The following DNAAF4 variants were observed in gnomAD, a reference collection of about 807,000 sequenced individuals.
The protein encoded by DNAAF4 is dynein assembly factor 4, axonemal.
In DNAAF4, 43 loss-of-function variants were observed where a neutral mutation model predicts 51.8. That is an observed-to-expected ratio of 0.83 (90% CI 0.65 to 1.07). DNAAF4 has a LOEUF of 1.07. DNAAF4 is among the 50% of genes least tolerant of loss of function. DNAAF4 has a pLI of 0.00. For synonymous variants in DNAAF4, 194 were observed against 165.6 expected, an observed-to-expected ratio of 1.17 and a Z score of -1.32; for missense variants, 581 against 493.0, an observed-to-expected ratio of 1.18 and a Z score of -1.69.
At chr15:55,453,825 C>T (rs2057975805) in intron 5 of DNAAF4, among the ~76,000 whole-genome samples, 1 of 151,918 alleles carries the variant, frequency 6.6e-6, no homozygotes, top group Non-Finnish European at 1.5e-5. Context: ...GCTGGGATTA[C>T]AGGCATGAGC....
intron 4 of DNAAF4, among the ~76,000 whole-genome samples, chr15:55,485,276 A>G (rs1456853851): frequency 6.6e-6 from 1 of 152,220 alleles, no homozygotes; most frequent in East Asian, 1.9e-4. Context: ...TGAAAGAAAA[A>G]AGAAAGATGG....
chr15:55,428,328 C>T (rs529937899), downstream of DNAAF4, among the ~76,000 whole-genome samples: 9 of 152,092 alleles, frequency 5.9e-5, no homozygotes, highest in East Asian at 5.8e-4. Flanking sequence ...AGAAGGAGGT[C>T]GGCTTTGGGA....
chr15:55,431,892 T>C (rs1387587971), intron 9 of DNAAF4, among the ~76,000 whole-genome samples: 7 of 152,048 alleles, frequency 4.6e-5, no homozygotes, highest in Admixed American at 4.6e-4. Flanking sequence ...CCTGGGATTA[T>C]AGGCGTGAAG....
At chr15:55,420,241 G>A (rs138959132) in intron 7 of DNAAF4, among the ~76,000 whole-genome samples, 3 of 152,240 alleles carry the variant, frequency 2.0e-5, no homozygotes, top group East Asian at 3.9e-4. Context: ...GTGAGACAAT[G>A]TGGTATATTT....
chr15:55,489,502 T>G (rs556544797), intron 4 of DNAAF4, among the ~76,000 whole-genome samples: 1 of 152,066 alleles, frequency 6.6e-6, no homozygotes, highest in African/African-American at 2.4e-5. Flanking sequence ...GGTGAAGCCC[T>G]GTCTCTACTA....
intron 6 of DNAAF4, among the ~76,000 whole-genome samples, chr15:55,440,442 G>C (rs970964183): frequency 2.1e-4 from 32 of 151,278 alleles, no homozygotes; most frequent in African/African-American, 7.5e-4. Flanking sequence ...GCAGTGGTGC[G>C]ATCTCGGCTC....
At chr15:55,485,913 T>A (rs2058480713) in intron 4 of DNAAF4, among the ~76,000 whole-genome samples, 1 of 141,940 alleles carries the variant, frequency 7.0e-6, no homozygotes, top group Non-Finnish European at 1.5e-5. Flanking sequence ...GAGAATGGCA[T>A]GAACCCAGGA....
intron 2 of DNAAF4, 114 bp downstream of exon 2, chr15:55,498,093 A>C (rs1450480272): frequency 1.3e-6 from 2 of 1,551,874 alleles, no homozygotes; most frequent in Non-Finnish European, 1.7e-6. Context: ...AATAGGATTA[A>C]AAATTTAGGA....
At position 55,470,420 on chromosome 15, in the gene DNAAF4, G is replaced by C. The variant is rs145979490; in HGVS notation, c.406-3259C>G. 3.9e-5 allele frequency among the ~76,000 whole-genome samples: 6 copies of C among 152,230 alleles called. No individual in the cohort carries two copies. The East Asian group carries it at 1.2e-3, about 29-fold the overall frequency. On this transcript the variant is annotated intron_variant, in intron 4 of 9. Coordinates refer to ENST00000321149, the MANE Select transcript of DNAAF4 (RefSeq NM_130810.4). ...CAAATGAAAGAGATGTCTAGGGAAA[G>C]ATACCGGGGAAGGAGCACAGAGTTT...
intron 7 of DNAAF4, among the ~76,000 whole-genome samples, chr15:55,438,141 T>A (rs1306962136): frequency 1.3e-5 from 2 of 151,978 alleles, no homozygotes; most frequent in Non-Finnish European, 2.9e-5. Context: ...GAGGTCAAGG[T>A]GCGCGGATCA....
At chr15:55,428,496 T>C (rs1372269307), downstream of DNAAF4, among the ~76,000 whole-genome samples, 9 of 133,586 alleles carry the variant, frequency 6.7e-5, no homozygotes, top group South Asian at 2.7e-4. Context: ...TTTTTTTTTT[T>C]TTTTTTTTTT....
chr15:55,419,375 A>C (rs1269874172), intron 7 of DNAAF4, among the ~76,000 whole-genome samples: 1 of 151,934 alleles, frequency 6.6e-6, no homozygotes, highest in East Asian at 1.9e-4. Flanking sequence ...AGGCACCAAC[A>C]ACCATGCCCC....
intron 4 of DNAAF4, among the ~76,000 whole-genome samples, chr15:55,471,831 T>C (rs1175764942): frequency 1.4e-5 from 2 of 144,256 alleles, no homozygotes; most frequent in Non-Finnish European, 3.0e-5. Context: ...TTAAAGATAT[T>C]TTGTTATTTA....
chr15:55,488,590 T>C (rs2058525414), intron 4 of DNAAF4, among the ~76,000 whole-genome samples: 1 of 152,154 alleles, frequency 6.6e-6, no homozygotes, highest in South Asian at 2.1e-4. Context: ...ATTTACTTGA[T>C]AATGGCTATA....
intron 8 of DNAAF4, 82 bp from the exon 9 acceptor site, chr15:55,432,684 G>T: frequency 7.9e-7 from 1 of 1,270,858 alleles, no homozygotes; most frequent in Non-Finnish European, 1.1e-6. Context: ...GGTGGCTCAC[G>T]CCTGTAATCC....
At chr15:55,485,819 C>G (rs2058479383) in intron 4 of DNAAF4, among the ~76,000 whole-genome samples, 6 of 151,718 alleles carry the variant, frequency 4.0e-5, no homozygotes, top group Admixed American at 3.3e-4. Context: ...ACGGTGAAAC[C>G]CCATCTCTAC....
chr15:55,428,652 G>A (rs1472575488), downstream of DNAAF4, among the ~76,000 whole-genome samples: 3 of 151,026 alleles, frequency 2.0e-5, no homozygotes, highest in East Asian at 4.0e-4. Context: ...CTGCCACCAC[G>A]CCTGGCTAAA....
At chr15:55,473,496 CTT>C (rs1387900166) in intron 4 of DNAAF4, among the ~76,000 whole-genome samples, 1 of 150,274 alleles carries the variant, frequency 6.7e-6, no homozygotes, top group Non-Finnish European at 1.5e-5. Flanking sequence ...ATAGGGGTAA[CTT>C]AACCTAGGAA....
chr15:55,494,584 G>C (rs768749346), intron 3 of DNAAF4, among the ~76,000 whole-genome samples: 9 of 151,708 alleles, frequency 5.9e-5, no homozygotes, highest in African/African-American at 1.9e-4. Context: ...ACGAAGTTTT[G>C]TATTTTTAGT....
Sources: gnomAD v4.1 joint callset for allele counts (sites outside exome capture counted in the v4.1 genomes callset) on GRCh38, gnomAD v4.1.1 for gene constraint, MANE v1.5 for transcripts, NCBI Gene and HGNC (gene_info 2026-07-23, HGNC 2026-07-21) for gene names.